PDE7A: variants seen among roughly 807,000 people sequenced by gnomAD.
PDE7A encodes high affinity 3',5'-cyclic-AMP phosphodiesterase 7A.
In PDE7A, 39 loss-of-function variants were observed where a neutral mutation model predicts 64.3. That is an observed-to-expected ratio of 0.61 (90% CI 0.47 to 0.79). The LOEUF (loss-of-function observed/expected upper bound fraction) is 0.79. Among genes scored for constraint, PDE7A ranks in the 30% least tolerant of loss-of-function variants. The probability of loss-of-function intolerance (pLI) is 0.00; values close to 1 mark genes in which losing one functional copy is unlikely to be tolerated. For missense variants in PDE7A, 470 were observed against 582.8 expected, an observed-to-expected ratio of 0.81 and a Z score of 1.99; for synonymous variants, 203 against 206.8, an observed-to-expected ratio of 0.98 and a Z score of 0.16.
In PDE7A at chr8:65,717,155, G is replaced by A. The variant is rs574394556; in HGVS notation, c.*2135C>T. Among the ~76,000 whole-genome samples, 31 of 152,250 alleles carry A rather than the reference G, an allele frequency of 2.0e-4. No individual in the cohort carries two copies. Among genetic ancestry groups the A allele is most frequent in the South Asian group, 8.3e-4 (4 of 4,820 alleles). On this transcript the variant is annotated 3_prime_UTR_variant, in exon 13 of 13. Coordinates refer to ENST00000401827, the MANE Select transcript of PDE7A (RefSeq NM_001242318.3). ...TTCTAAATGTGGCTACTAGAAAACC[G>A]AAAATTATGTGGCTTGGATTCTGTT...
intron 5 of PDE7A, 44 bp from the exon 6 acceptor site, chr8:65,739,641 C>G (rs1351817742): frequency 7.0e-7 from 1 of 1,424,928 alleles, no homozygotes; most frequent in East Asian, 2.7e-5. Context: ...AAATACAAGT[C>G]AACACAATTA....
intron 1 of PDE7A, among the ~76,000 whole-genome samples, chr8:65,787,481 A>G (rs1289200779): frequency 6.6e-6 from 1 of 152,210 alleles, no homozygotes. Flanking sequence ...GTCATCTTAC[A>G]TATGCTAGAA....
chr8:65,779,966 C>G (rs577306780), intron 2 of PDE7A, among the ~76,000 whole-genome samples, 163 bp from the exon 3 acceptor site: 1 of 152,080 alleles, frequency 6.6e-6, no homozygotes, highest in Non-Finnish European at 1.5e-5. Flanking sequence ...AAAGGGTTCA[C>G]AAAATCTCAG....
intron 3 of PDE7A, among the ~76,000 whole-genome samples, chr8:65,754,943 G>A (rs1585876362): frequency 2.0e-5 from 3 of 150,264 alleles, no homozygotes; most frequent in East Asian, 2.1e-4. Flanking sequence ...CCAGCCTGGC[G>A]ACAGAGCGAG....
At chr8:65,822,263 A>G (rs550292528) in intron 1 of PDE7A, among the ~76,000 whole-genome samples, 4 of 152,340 alleles carry the variant, frequency 2.6e-5, no homozygotes, top group African/African-American at 9.6e-5. Flanking sequence ...TGTGAATGCT[A>G]TACCACTTCA....
intron 2 of PDE7A, among the ~76,000 whole-genome samples, chr8:65,781,479 G>T (rs1295844839): frequency 6.6e-6 from 1 of 152,192 alleles, no homozygotes; most frequent in African/African-American, 2.4e-5. Context: ...AGGGAACACA[G>T]GTAGACACAG....
intron 1 of PDE7A, among the ~76,000 whole-genome samples, chr8:65,798,412 G>A (rs1809911398): frequency 6.6e-6 from 1 of 151,772 alleles, no homozygotes. Flanking sequence ...GTTTCACCAT[G>A]TTGGCCAGGC....
chr8:65,820,650 C>T (rs1042735608), intron 1 of PDE7A, among the ~76,000 whole-genome samples: 7 of 152,116 alleles, frequency 4.6e-5, no homozygotes, highest in East Asian at 1.9e-4. Flanking sequence ...AGTGCAGTGG[C>T]GCAATCTTGA....
At chr8:65,812,774 TTTTA>T (rs1356143932) in intron 1 of PDE7A, among the ~76,000 whole-genome samples, 2 of 152,240 alleles carry the variant, frequency 1.3e-5, no homozygotes, top group Non-Finnish European at 2.9e-5. Flanking sequence ...ATAGCACCAC[TTTTA>T]ATAGAAGCAA....
intron 10 of PDE7A, 25 bp downstream of exon 10, chr8:65,724,752 A>G: frequency 6.3e-7 from 1 of 1,575,494 alleles, no homozygotes; most frequent in South Asian, 1.2e-5. Flanking sequence ...TCCTAGAAAT[A>G]GAATGTTTCC....
intron 3 of PDE7A, among the ~76,000 whole-genome samples, chr8:65,777,159 A>C (rs1809284739): frequency 6.8e-6 from 1 of 147,514 alleles, no homozygotes; most frequent in Admixed American, 7.0e-5. Context: ...GGCTAACCGC[A>C]ACCTCTGCCT....
chr8:65,764,295 G>A (rs1808658111), intron 3 of PDE7A, among the ~76,000 whole-genome samples: 1 of 152,182 alleles, frequency 6.6e-6, no homozygotes, highest in African/African-American at 2.4e-5. Flanking sequence ...CGACTGGGAA[G>A]AAATTAAAAT....
chr8:65,765,006 A>C (rs1808697808), intron 3 of PDE7A, among the ~76,000 whole-genome samples: 1 of 152,232 alleles, frequency 6.6e-6, no homozygotes. Flanking sequence ...GCCATAGTCA[A>C]TTCAATGCAA....
At chr8:65,742,224 G>C (rs1807470067) in intron 5 of PDE7A, among the ~76,000 whole-genome samples, 1 of 152,232 alleles carries the variant, frequency 6.6e-6, no homozygotes, top group Non-Finnish European at 1.5e-5. Context: ...GCCTATGAAA[G>C]AGTGGTCCTC....
At chr8:65,756,234 CAG>C (rs1808235193) in intron 3 of PDE7A, among the ~76,000 whole-genome samples, 1 of 152,198 alleles carries the variant, frequency 6.6e-6, no homozygotes, top group African/African-American at 2.4e-5. Flanking sequence ...TAGTGTGTCT[CAG>C]TGTGGATTTC....
At chr8:65,741,666 A>G (rs1807442292) in intron 5 of PDE7A, among the ~76,000 whole-genome samples, 4 of 152,240 alleles carry the variant, frequency 2.6e-5, no homozygotes, top group Admixed American at 2.6e-4. Flanking sequence ...ACACGAGTCC[A>G]TGTGGTGTGG....
chr8:65,841,538 GCCCGCCCTGC>G lies in PDE7A; in HGVS notation c.-40_-31del, dbSNP rs1811088953. 1 of 1,398,126 alleles carries G rather than the reference GCCCGCCCTGC, an allele frequency of 7.2e-7. No individual in the cohort carries two copies. The highest frequency in any genetic ancestry group is 3.5e-5 in the Admixed American group (1 of 28,760). The allele number at this position is 1,398,126 out of a possible 1,614,324, so 86.6% of individuals were successfully genotyped here. On this transcript the variant is annotated 5_prime_UTR_variant, in exon 1 of 13. Coordinates refer to ENST00000401827, the MANE Select transcript of PDE7A (RefSeq NM_001242318.3). ...TACGCCCGCCCTGCCTCCGCGCGGCGCCCGCCCTGCCGCGGCCGCCGGCCCCTGCAGTGGG... is the reference window on the plus strand; with the variant it reads ...TACGCCCGCCCTGCCTCCGCGCGGCGCGCGGCCGCCGGCCCCTGCAGTGGG...
intron 5 of PDE7A, among the ~76,000 whole-genome samples, chr8:65,743,687 A>G (rs1267537581): frequency 6.6e-6 from 1 of 152,218 alleles, no homozygotes; most frequent in South Asian, 2.1e-4. Context: ...TTCATTTTAC[A>G]TATTTGGCAT....
intron 1 of PDE7A, among the ~76,000 whole-genome samples, chr8:65,837,364 A>G (rs1368821659): frequency 6.6e-6 from 1 of 152,258 alleles, no homozygotes; most frequent in Non-Finnish European, 1.5e-5. Flanking sequence ...GCTGAGTATC[A>G]CTATCCAAAA....
Sources: gnomAD v4.1 joint callset for allele counts (sites outside exome capture counted in the v4.1 genomes callset) on GRCh38, gnomAD v4.1.1 for gene constraint, MANE v1.5 for transcripts, NCBI Gene and HGNC (gene_info 2026-07-23, HGNC 2026-07-21) for gene names.